Variants in TMEM132C observed in about 807,000 individuals in gnomAD.
TMEM132C encodes the protein transmembrane protein 132C.
TMEM132C carries 29 observed loss-of-function variants against 61.4 expected under a neutral mutation model. That is an observed-to-expected ratio of 0.47 (90% CI 0.35 to 0.64). The LOEUF is 0.64. TMEM132C is among the 30% of genes least tolerant of loss of function. TMEM132C has a pLI of 0.00. For missense variants in TMEM132C, 1,408 were observed against 1,476.9 expected, an observed-to-expected ratio of 0.95 and a Z score of 0.76; for synonymous variants, 656 against 633.1, an observed-to-expected ratio of 1.04 and a Z score of -0.54.
At chr12:128,375,545 C>G (rs754211528) in intron 1 of TMEM132C, among the ~76,000 whole-genome samples, 4 of 151,998 alleles carry the variant, frequency 2.6e-5, no homozygotes, top group Admixed American at 6.5e-5. Flanking sequence ...CTCAAATATC[C>G]CTCTCCTTTC....
chr12:128,407,844 G>T (rs117249876), intron 1 of TMEM132C, among the ~76,000 whole-genome samples: 4,208 of 152,316 alleles, frequency 0.028, 81 homozygotes, highest in Non-Finnish European at 0.044. Context: ...CTTATGCAAA[G>T]GTTGTAGATA....
chr12:128,519,249 G>A (rs1410833042), intron 2 of TMEM132C, among the ~76,000 whole-genome samples: 1 of 152,126 alleles, frequency 6.6e-6, no homozygotes, highest in East Asian at 1.9e-4. Context: ...TATGGATAAG[G>A]TAGCCATTCC....
At chr12:128,338,850 T>A (rs1346481894) in intron 1 of TMEM132C, among the ~76,000 whole-genome samples, 1 of 151,292 alleles carries the variant, frequency 6.6e-6, no homozygotes, top group Non-Finnish European at 1.5e-5. Context: ...TCACATGATG[T>A]CAGGGGAGGA....
chr12:128,658,436 C>G (rs902034024), intron 4 of TMEM132C, among the ~76,000 whole-genome samples: 2 of 152,252 alleles, frequency 1.3e-5, no homozygotes, highest in Admixed American at 6.5e-5. Flanking sequence ...TTCCCACTGT[C>G]TCCAGCGTCC....
intron 6 of TMEM132C, among the ~76,000 whole-genome samples, chr12:128,694,786 G>C (rs945979125): frequency 6.6e-6 from 1 of 152,230 alleles, no homozygotes; most frequent in Non-Finnish European, 1.5e-5. Flanking sequence ...TGGGAGGAAA[G>C]CTGTGAATCT....
intron 1 of TMEM132C, among the ~76,000 whole-genome samples, chr12:128,340,946 T>TC (rs1565906248): frequency 8.9e-6 from 1 of 112,924 alleles, no homozygotes; most frequent in African/African-American, 4.8e-5. Flanking sequence ...CTCTCTCTCT[T>TC]TCTTTCTTTC....
chr12:128,402,560 A>G (rs542669717), intron 1 of TMEM132C, among the ~76,000 whole-genome samples: 1 of 152,318 alleles, frequency 6.6e-6, no homozygotes, highest in African/African-American at 2.4e-5. Flanking sequence ...AAACTGACAC[A>G]CCGTCCCTTA....
At chr12:128,627,673 G>A (rs900243921) in intron 4 of TMEM132C, among the ~76,000 whole-genome samples, 48 of 152,268 alleles carry the variant, frequency 3.2e-4, no homozygotes, top group African/African-American at 1.0e-3. Context: ...CATTCGGAAA[G>A]CCCCTGTGAG....
chr12:128,489,015 A>C (rs914071737), intron 2 of TMEM132C, among the ~76,000 whole-genome samples: 1 of 152,142 alleles, frequency 6.6e-6, no homozygotes, highest in East Asian at 1.9e-4. Context: ...GGATCCTTTC[A>C]AGGCTGTTCC....
rs576737493 is a variant in TMEM132C at position 128,335,552 on chromosome 12, C to G, written c.85+68065C>G. Among the ~76,000 whole-genome samples, 5 of 152,332 alleles carry G rather than the reference C, an allele frequency of 3.3e-5. No individual in the cohort carries two copies. The East Asian group carries it at 9.7e-4, about 29-fold the overall frequency. On this transcript the variant is annotated intron_variant, in intron 1 of 8. Transcript: ENST00000435159. ...AAAATGCTTGCTGTGCATGACAGCA[C>G]TCCTGCCTGAATAACCTCTTTTGAT...
chr12:128,452,238 C>T (rs1028157914), intron 2 of TMEM132C, among the ~76,000 whole-genome samples: 11 of 151,954 alleles, frequency 7.2e-5, no homozygotes, highest in South Asian at 4.2e-4. Context: ...GCTCGAACTA[C>T]AGGCATGCGC....
rs1954756599 is a variant in TMEM132C at position 128,695,815 on chromosome 12, G to A, written c.1656-15G>A. 13 of 1,530,188 alleles carry A rather than the reference G, an allele frequency of 8.5e-6. No homozygotes were observed. The highest frequency in any genetic ancestry group is 1.1e-5 in the Non-Finnish European group (13 of 1,134,954). 94.8% of individuals were successfully genotyped at this position (1,530,188 alleles called of 1,614,324 possible). ...CTCTCCCTGGATCTGAGAGCTCTTTGTCCCTTCCCACAAGGCCCACTCGTG... is the reference window on the plus strand; with the variant it reads ...CTCTCCCTGGATCTGAGAGCTCTTTATCCCTTCCCACAAGGCCCACTCGTG... On this transcript the variant is annotated splice_polypyrimidine_tract_variant and intron_variant, in intron 6 of 8. Coordinates refer to ENST00000435159, the MANE Select transcript of TMEM132C (RefSeq NM_001136103.3).
intron 2 of TMEM132C, among the ~76,000 whole-genome samples, chr12:128,433,003 AAATAAAT>A (rs941946015): frequency 3.7e-3 from 3 of 820 alleles, no homozygotes; most frequent in African/African-American, 4.3e-3. Flanking sequence ...ACCAGCCAAA[AAATAAAT>A]AAATAAATAA....
intron 3 of TMEM132C, among the ~76,000 whole-genome samples, chr12:128,575,656 G>A (rs911467845): frequency 6.6e-6 from 1 of 152,146 alleles, no homozygotes; most frequent in Admixed American, 6.5e-5. Flanking sequence ...TGGGTGTGGA[G>A]GGCAACAATT....
chr12:128,579,643 A>T (rs1382869933), intron 3 of TMEM132C, among the ~76,000 whole-genome samples: 2 of 152,226 alleles, frequency 1.3e-5, no homozygotes, highest in Non-Finnish European at 2.9e-5. Flanking sequence ...CTCTCCCTGC[A>T]GGGGTGATCT....
At chr12:128,572,561 C>T (rs184328893) in intron 3 of TMEM132C, among the ~76,000 whole-genome samples, 3 of 150,482 alleles carry the variant, frequency 2.0e-5, no homozygotes, top group Non-Finnish European at 3.0e-5. Context: ...TTACTTGTGG[C>T]GTCTGCTGAT....
intron 1 of TMEM132C, among the ~76,000 whole-genome samples, chr12:128,402,401 T>C (rs1875191715): frequency 6.6e-6 from 1 of 152,122 alleles, no homozygotes; most frequent in Non-Finnish European, 1.5e-5. Flanking sequence ...CCTTCCACCC[T>C]CCATCCTCCG....
At chr12:128,483,246 C>G (rs1680858578) in intron 2 of TMEM132C, among the ~76,000 whole-genome samples, 1 of 35,446 alleles carries the variant, frequency 2.8e-5, no homozygotes, top group Non-Finnish European at 5.8e-5. Context: ...CCAGCCTGGG[C>G]AACAGAGCAA....
At chr12:128,407,701 C>T (rs1875395651) in intron 1 of TMEM132C, among the ~76,000 whole-genome samples, 1 of 152,254 alleles carries the variant, frequency 6.6e-6, no homozygotes, top group Middle Eastern at 3.4e-3. Flanking sequence ...GTGCAAGGCC[C>T]CTTGAGACCT....
Sources: gnomAD v4.1 joint callset for allele counts (sites outside exome capture counted in the v4.1 genomes callset) on GRCh38, gnomAD v4.1.1 for gene constraint, MANE v1.5 for transcripts, NCBI Gene and HGNC (gene_info 2026-07-23, HGNC 2026-07-21) for gene names.